VPS13B: variants seen among roughly 807,000 people sequenced by gnomAD.
VPS13B encodes the protein intermembrane lipid transfer protein VPS13B.
VPS13B carries 285 observed loss-of-function variants against 426.4 expected under a neutral mutation model. That is an observed-to-expected ratio of 0.67 (90% confidence interval 0.61 to 0.74). VPS13B has a LOEUF of 0.74. Among genes scored for constraint, VPS13B ranks in the 30% least tolerant of loss-of-function variants. VPS13B has a pLI of 0.00. For missense variants in VPS13B, 4,537 were observed against 4,782.6 expected, an observed-to-expected ratio of 0.95 and a Z score of 1.51; for synonymous variants, 1,676 against 1,676.4, an observed-to-expected ratio of 1.00 and a Z score of 0.01.
At chr8:99,497,198 T>TTA (rs1034782421) in intron 25 of VPS13B, among the ~76,000 whole-genome samples, 12 of 140,444 alleles carry the variant, frequency 8.5e-5, no homozygotes, top group East Asian at 6.0e-4. Flanking sequence ...ATACATGTAT[T>TTA]TATATATTTA....
At chr8:99,647,011 C>T (rs1382030533) in intron 34 of VPS13B, among the ~76,000 whole-genome samples, 1 of 152,030 alleles carries the variant, frequency 6.6e-6, no homozygotes, top group African/African-American at 2.4e-5. Context: ...CAAAAATAGC[C>T]TAACATAACA....
At chr8:99,742,454 G>A (rs1189753297) in intron 39 of VPS13B, among the ~76,000 whole-genome samples, 3 of 152,130 alleles carry the variant, frequency 2.0e-5, no homozygotes, top group African/African-American at 7.2e-5. Context: ...AAAAACAGAG[G>A]ATCCTCCCTA....
In VPS13B at chr8:99,699,748, G is replaced by T; in HGVS notation, c.6270G>T (p.Val2090=). 6.2e-7 allele frequency: 1 copy of T among 1,614,092 alleles called. No homozygotes were observed. Among genetic ancestry groups the T allele is most frequent in the Non-Finnish European group, 8.5e-7 (1 of 1,180,004 alleles). The change falls in exon 36 of 62, where the codon GTG becomes GTT. Residue 2090 remains valine, a synonymous_variant. Transcript: ENST00000357162. The stretch of plus-strand genomic sequence containing the variant: ...AACCCAAAATTCATGGTGATGGAGT[G>T]CAAAAGATTTCAGCTCAAGAAAACA... The part of the protein sequence containing the change: ...LSKPKIHGDG[V]QKISAQENMW...
chr8:99,544,016 A>G (rs1371435039), intron 30 of VPS13B, among the ~76,000 whole-genome samples: 1 of 146,328 alleles, frequency 6.8e-6, no homozygotes, highest in East Asian at 2.0e-4. Context: ...ATGCACACGT[A>G]TGTTTATTGC....
chr8:99,720,772 T>C, intron 38 of VPS13B, 91 bp from the exon 39 acceptor site: 1 of 1,325,718 alleles, frequency 7.5e-7, no homozygotes. Flanking sequence ...TCTTTATATC[T>C]TTTATTCTCA....
At chr8:99,747,187 G>C (rs1455516862) in intron 39 of VPS13B, among the ~76,000 whole-genome samples, 3 of 151,798 alleles carry the variant, frequency 2.0e-5, no homozygotes, top group African/African-American at 7.3e-5. Context: ...AGTCTTCAGA[G>C]CCAGAATGTA....
At chr8:99,050,484 T>G (rs1471568140) in intron 3 of VPS13B, among the ~76,000 whole-genome samples, 1 of 152,142 alleles carries the variant, frequency 6.6e-6, no homozygotes, top group African/African-American at 2.4e-5. Context: ...GAATAGTGCC[T>G]CAATAAACAT....
intron 17 of VPS13B, among the ~76,000 whole-genome samples, chr8:99,217,544 G>C (rs1815455070): frequency 6.6e-6 from 1 of 152,132 alleles, no homozygotes; most frequent in Non-Finnish European, 1.5e-5. Flanking sequence ...ACACTGAGAA[G>C]GTGTAGTTTC....
At chr8:99,486,217 A>G (rs1413178208) in intron 25 of VPS13B, among the ~76,000 whole-genome samples, 1 of 151,716 alleles carries the variant, frequency 6.6e-6, no homozygotes, top group African/African-American at 2.4e-5. Context: ...AGCAAATAAT[A>G]GCATTTAGTT....
chr8:99,629,292 G>A (rs886760801), intron 33 of VPS13B, among the ~76,000 whole-genome samples: 14 of 152,116 alleles, frequency 9.2e-5, no homozygotes, highest in African/African-American at 3.1e-4. Flanking sequence ...AACTAATTAG[G>A]TTAGCATTGT....
chr8:99,344,352 A>G (rs1811416758), intron 19 of VPS13B, among the ~76,000 whole-genome samples: 2 of 152,240 alleles, frequency 1.3e-5, no homozygotes, highest in South Asian at 4.1e-4. Context: ...TAGAACTACT[A>G]GGAGAAAACA....
In VPS13B at chr8:99,853,773, C is replaced by G. The variant is rs761972356; in HGVS notation, c.10384C>G (p.Leu3462Val). The G allele has an allele frequency of 1.9e-6, 3 of 1,614,232 alleles. No individual in the cohort carries two copies. The highest frequency in any genetic ancestry group is 1.1e-5 in the South Asian group (1 of 91,080). Reference protein sequence around the residue: ...EPIQCSKMQSLLISNKELEEY... With the variant: ...EPIQCSKMQSVLISNKELEEY... Reference sequence around the variant, plus strand: ...CATTCAGTGTTCCAAAATGCAGAGTCTCCTCATATCCAACAAAGAGTTGGA... The same window carrying G: ...CATTCAGTGTTCCAAAATGCAGAGTGTCCTCATATCCAACAAAGAGTTGGA... Residue 3462 changes from leucine (L) to valine (V), a missense_variant, in exon 56 of 62, where the codon CTC (leucine) becomes GTC (valine). Around this residue, in one of 2 missense-constraint regions of VPS13B, gnomAD observed 4,311 missense variants for 4,474.3 expected, o/e 0.96. Transcript: ENST00000357162.
chr8:99,510,086 G>A (rs1821704738), intron 28 of VPS13B, among the ~76,000 whole-genome samples: 1 of 152,172 alleles, frequency 6.6e-6, no homozygotes, highest in African/African-American at 2.4e-5. Context: ...TTACAGGATA[G>A]TGATAATTAG....
intron 19 of VPS13B, among the ~76,000 whole-genome samples, chr8:99,335,174 G>A: frequency 6.6e-6 from 1 of 152,106 alleles, no homozygotes; most frequent in African/African-American, 2.4e-5. Context: ...TCTGATGATA[G>A]TTTGTATTTC....
At chr8:99,873,372 A>T (rs4480092) in intron 61 of VPS13B, 19,063 of 152,170 alleles carry the variant, frequency 0.13, 1,242 homozygotes, top group Non-Finnish European at 0.14. Context: ...TGCTGAGATT[A>T]TTGGGATTGT....
chr8:99,056,704 AG>A (rs1163604388), intron 3 of VPS13B, among the ~76,000 whole-genome samples: 1 of 152,070 alleles, frequency 6.6e-6, no homozygotes, highest in African/African-American at 2.4e-5. Context: ...TCCTCCATCC[AG>A]TGGAGGTGGC....
intron 17 of VPS13B, among the ~76,000 whole-genome samples, chr8:99,259,659 C>G (rs1817943856): frequency 6.6e-6 from 1 of 152,030 alleles, no homozygotes. Flanking sequence ...ACAACTCTGT[C>G]CTCATTCAGA....
chr8:99,427,233 G>A (rs2133396416), intron 21 of VPS13B, among the ~76,000 whole-genome samples: 1 of 90,200 alleles, frequency 1.1e-5, no homozygotes, highest in South Asian at 4.6e-4. Context: ...TAGGTATGCG[G>A]CATTATTTCT....
At chr8:99,024,019 C>G (rs1239110991) in intron 2 of VPS13B, among the ~76,000 whole-genome samples, 3 of 152,218 alleles carry the variant, frequency 2.0e-5, no homozygotes, top group Middle Eastern at 3.4e-3. Context: ...ATGTTCCCAC[C>G]AAAAGTGTGT....
Sources: allele counts gnomAD v4.1 joint callset (sites outside exome capture counted in the v4.1 genomes callset), GRCh38; gene constraint gnomAD v4.1.1; regional missense constraint gnomAD v4.1.1; transcripts MANE v1.5; gene names NCBI Gene and HGNC (gene_info 2026-07-23, HGNC 2026-07-21).